The following CELF2 variants were observed in gnomAD, a reference collection of about 807,000 sequenced individuals.
The protein encoded by CELF2 is CUGBP Elav-like family member 2, also known as CUG triplet repeat RNA-binding protein 2.
A neutral mutation model predicts 62.6 loss-of-function variants in CELF2; 8 were observed. That is an observed-to-expected ratio of 0.13 (90% CI 0.07 to 0.23). The LOEUF (loss-of-function observed/expected upper bound fraction) is 0.23, where lower values mean the gene tolerates loss of function less well. Ranked by LOEUF, CELF2 falls within the 10% of genes least tolerant of loss-of-function variation. The pLI is 1.00. For synonymous variants in CELF2, 258 were observed against 250.0 expected (o/e 1.03, Z -0.30); for missense variants, 333 against 671.0 (o/e 0.50, Z 5.56).
At chr10:11,202,175 T>G (rs1272829804) in intron 2 of CELF2, among the ~76,000 whole-genome samples, 3 of 152,238 alleles carry the variant, frequency 2.0e-5, no homozygotes, top group Non-Finnish European at 4.4e-5. Flanking sequence ...TTGGAATTTA[T>G]CATCTAATGA....
chr10:11,036,077 T>C (rs2060901522), intron 1 of CELF2, among the ~76,000 whole-genome samples: 1 of 152,222 alleles, frequency 6.6e-6, no homozygotes, highest in South Asian at 2.1e-4. Flanking sequence ...CTGATCTGCA[T>C]GCGTAAATAC....
chr10:11,017,855 G>A (rs1440288499), upstream of CELF2: 1 of 723,382 alleles, frequency 1.4e-6, no homozygotes, highest in East Asian at 1.3e-4. This position sits in a 1 kb window ranked among gnomAD's most constrained non-coding sequence, Gnocchi z 5.5. Flanking sequence ...AGCGGCGGCG[G>A]GCGCCCCGCG....
At chr10:11,282,329 G>T (rs1157884783) in intron 8 of CELF2, among the ~76,000 whole-genome samples, 1 of 152,224 alleles carries the variant, frequency 6.6e-6, no homozygotes, top group African/African-American at 2.4e-5. Flanking sequence ...GGAGAGGACA[G>T]GCACCCAGGG....
the CELF2 span, among the ~76,000 whole-genome samples, chr10:10,540,831 A>G: frequency 1.3e-5 from 2 of 152,140 alleles, no homozygotes; most frequent in Admixed American, 6.5e-5. Flanking sequence ...ACACTCATAC[A>G]TTCTCCACAA....
chr10:11,023,651 T>A (rs1448524034), intron 1 of CELF2, among the ~76,000 whole-genome samples: 2 of 152,186 alleles, frequency 1.3e-5, no homozygotes, highest in African/African-American at 4.8e-5. Flanking sequence ...TTGAGGGAGA[T>A]TTTGAACAGC....
chr10:10,884,691 T>C (rs1564767211), intron 1 of CELF2, among the ~76,000 whole-genome samples: 1 of 152,252 alleles, frequency 6.6e-6, no homozygotes, highest in Non-Finnish European at 1.5e-5. Context: ...ATATGTCTTA[T>C]ACTTACATGA....
the CELF2 span, among the ~76,000 whole-genome samples, chr10:10,477,914 A>G: frequency 2.0e-5 from 3 of 152,280 alleles, no homozygotes; most frequent in Admixed American, 6.5e-5. Flanking sequence ...GATCCCTCAT[A>G]TAATGGGGCA....
the CELF2 span, among the ~76,000 whole-genome samples, chr10:10,512,727 C>T: frequency 1.3e-5 from 2 of 152,148 alleles, no homozygotes; most frequent in African/African-American, 4.8e-5. Context: ...GAACTCTTAA[C>T]AGGATCAATT....
chr10:11,215,674 C>T (rs549170709), intron 2 of CELF2, among the ~76,000 whole-genome samples: 28 of 151,962 alleles, frequency 1.8e-4, no homozygotes, highest in African/African-American at 6.3e-4. Flanking sequence ...AAGCTAACGC[C>T]ATAAGCCCAG....
the CELF2 span, among the ~76,000 whole-genome samples, chr10:10,519,056 G>C: frequency 6.6e-6 from 1 of 152,294 alleles, no homozygotes. Flanking sequence ...GACTCGATAT[G>C]AATAACAATC....
At chr10:11,195,950 C>G (rs781341228) in intron 2 of CELF2, among the ~76,000 whole-genome samples, 4 of 151,480 alleles carry the variant, frequency 2.6e-5, no homozygotes, top group Admixed American at 6.6e-5. Flanking sequence ...TATTAATACT[C>G]TTTTTTTGAA....
chr10:10,970,017 A>G (rs1193309017), intron 2 of CELF2, among the ~76,000 whole-genome samples: 1 of 152,190 alleles, frequency 6.6e-6, no homozygotes, highest in Admixed American at 6.5e-5. Flanking sequence ...GGAAATAACT[A>G]CAATGACATC....
chr10:11,072,869 G>C (rs189111974), intron 1 of CELF2, among the ~76,000 whole-genome samples: 2 of 151,838 alleles, frequency 1.3e-5, no homozygotes, highest in East Asian at 1.9e-4. Context: ...ATGGGAAGCA[G>C]ATATCCCTGA....
rs1461382486 is a variant in CELF2 at position 10,934,461 on chromosome 10, C to G, written c.89+14462C>G. 6.6e-6 allele frequency: 1 copy of G among 152,190 alleles called. No individual in the cohort carries two copies. Among genetic ancestry groups the G allele is most frequent in the Non-Finnish European group, 1.5e-5 (1 of 68,044 alleles). The allele number at this position is 152,190 out of a possible 1,614,324, so 9.4% of individuals were successfully genotyped here. A position where few individuals can be genotyped will look rare whatever the true frequency, so the allele number is the denominator to read the frequency against. On this transcript the variant is annotated intron_variant, in intron 2 of 13. Transcript: ENST00000636488. The surrounding 1 kb of genome is among the most constrained non-coding windows in gnomAD (Gnocchi z 4.4). ...TTCTGAATGGTTGAAGTGAGAGTAA[C>G]AGGTGCATGAACAAGACTGCTCATT...
At chr10:10,950,640 C>G (rs1476548026) in intron 2 of CELF2, among the ~76,000 whole-genome samples, 1 of 152,164 alleles carries the variant, frequency 6.6e-6, no homozygotes, top group African/African-American at 2.4e-5. Context: ...CACGATTCCC[C>G]ATTGCTGCTG....
At chr10:11,043,962 C>T (rs1272658079) in intron 1 of CELF2, among the ~76,000 whole-genome samples, 2 of 152,252 alleles carry the variant, frequency 1.3e-5, no homozygotes, top group Non-Finnish European at 1.5e-5. Context: ...TGGGCTTCTT[C>T]GCTGTCCTGT....
chr10:10,977,354 A>G (rs1369086578), intron 2 of CELF2, among the ~76,000 whole-genome samples: 5 of 152,250 alleles, frequency 3.3e-5, no homozygotes, highest in Non-Finnish European at 5.9e-5. Flanking sequence ...TCCAAATACT[A>G]TATCAGCAAG....
chr10:11,007,689 C>A (rs117171389), intron 1 of CELF2, among the ~76,000 whole-genome samples: 1 of 152,124 alleles, frequency 6.6e-6, no homozygotes, highest in Admixed American at 6.5e-5. Flanking sequence ...GGCCGGCACA[C>A]GGTTTCCAGC....
chr10:10,490,571 G>A, the CELF2 span, among the ~76,000 whole-genome samples: 2 of 151,916 alleles, frequency 1.3e-5, no homozygotes, highest in Non-Finnish European at 2.9e-5. Context: ...ATCTGGTTGG[G>A]GGGGGGTGGA....
Sources: gnomAD v4.1 joint callset for allele counts (sites outside exome capture counted in the v4.1 genomes callset) on GRCh38, gnomAD v4.1.1 for gene constraint, Gnocchi (gnomAD v3.1) non-coding constraint, MANE v1.5 for transcripts, NCBI Gene and HGNC (gene_info 2026-07-23, HGNC 2026-07-21) for gene names.